Variants in PLCG2 observed in about 807,000 individuals in gnomAD.
PLCG2 encodes phospholipase C gamma 2, also known as 1-phosphatidylinositol 4,5-bisphosphate phosphodiesterase gamma-2.
PLCG2 carries 69 observed loss-of-function variants against 175.6 expected under a neutral mutation model. The ratio of observed to expected loss-of-function variants is 0.39; its 90% confidence interval spans 0.32 to 0.48. The LOEUF (loss-of-function observed/expected upper bound fraction) is 0.48, where lower values mean the gene tolerates loss of function less well. PLCG2 is among the 20% of genes least tolerant of loss of function. The pLI is 0.91. For synonymous variants in PLCG2, 827 were observed against 624.0 expected (o/e 1.33, Z -4.85); for missense variants, 1,798 against 1,650.9 (o/e 1.09, Z -1.54).
At chr16:81,925,218 C>G (rs536229419) in intron 22 of PLCG2, among the ~76,000 whole-genome samples, 2 of 152,322 alleles carry the variant, frequency 1.3e-5, no homozygotes, top group South Asian at 2.1e-4. Context: ...CGGCTGTGGT[C>G]AATTCCTCTC....
At chr16:81,877,056 A>G (rs1303291644) in intron 7 of PLCG2, among the ~76,000 whole-genome samples, 1 of 152,184 alleles carries the variant, frequency 6.6e-6, no homozygotes, top group Non-Finnish European at 1.5e-5. Context: ...ACCTGATGGG[A>G]TCAGCAGGAG....
intron 21 of PLCG2, among the ~76,000 whole-genome samples, chr16:81,923,211 C>T (rs1455763541): frequency 1.3e-5 from 2 of 149,720 alleles, no homozygotes; most frequent in African/African-American, 4.9e-5. Flanking sequence ...CAGCGCTAAA[C>T]CCTAGCCCCA....
intron 2 of PLCG2, among the ~76,000 whole-genome samples, chr16:81,853,073 G>A (rs1443070824): frequency 2.0e-5 from 3 of 152,206 alleles, no homozygotes; most frequent in Admixed American, 1.3e-4. Context: ...GCTCACGCCT[G>A]TAATCCTAGC....
intron 9 of PLCG2, among the ~76,000 whole-genome samples, chr16:81,887,566 G>A (rs1908432440): frequency 6.6e-6 from 1 of 152,210 alleles, no homozygotes; most frequent in African/African-American, 2.4e-5. Flanking sequence ...AGAGTCAACA[G>A]CAGTTCATTT....
At chr16:81,944,410 C>A (rs1171501215) in intron 30 of PLCG2, among the ~76,000 whole-genome samples, 1 of 152,068 alleles carries the variant, frequency 6.6e-6, no homozygotes, top group Non-Finnish European at 1.5e-5. Flanking sequence ...TTAAAGTAAT[C>A]TAATTTAAAG....
rs758880421 is a variant in PLCG2, at chr16:81,905,386, A to G, written c.1363-17A>G. 3.0e-5 allele frequency: 48 copies of G among 1,586,400 alleles called. No homozygotes were observed. The highest frequency in any genetic ancestry group is 4.0e-5 in the Non-Finnish European group (46 of 1,155,232). ...GGGTCTCCATGGAGACAGCCTATGT[A>G]TATGTTTTCCCCTCAGCATAAGAAG... On this transcript the variant is annotated splice_polypyrimidine_tract_variant and intron_variant, in intron 14 of 32. Coordinates refer to ENST00000564138, the MANE Select transcript of PLCG2 (RefSeq NM_002661.5).
At chr16:81,952,701 T>G (rs949929736) in intron 31 of PLCG2, among the ~76,000 whole-genome samples, 1 of 152,056 alleles carries the variant, frequency 6.6e-6, no homozygotes, top group Middle Eastern at 3.4e-3. Flanking sequence ...AGAGAAGAGA[T>G]AGCTCTTCCT....
At chr16:81,742,466 G>T (rs1197424072) in intron 1 of PLCG2, among the ~76,000 whole-genome samples, 1 of 152,138 alleles carries the variant, frequency 6.6e-6, no homozygotes, top group Non-Finnish European at 1.5e-5. Context: ...TATCTCCCTG[G>T]AGCCCCAGCC....
chr16:81,745,161 G>T (rs2143052239), intron 1 of PLCG2, among the ~76,000 whole-genome samples: 1 of 152,330 alleles, frequency 6.6e-6, no homozygotes, highest in East Asian at 1.9e-4. Flanking sequence ...AGAAAAGGTT[G>T]TGTTGGGTAA....
At chr16:81,763,436 T>C (rs1400151577) in intron 2 of PLCG2, among the ~76,000 whole-genome samples, 1 of 152,224 alleles carries the variant, frequency 6.6e-6, no homozygotes, top group East Asian at 1.9e-4. Context: ...GGATGCCAAC[T>C]TGGGCTGGGG....
At chr16:81,881,950 C>T (rs1197370559) in intron 8 of PLCG2, among the ~76,000 whole-genome samples, 1 of 152,104 alleles carries the variant, frequency 6.6e-6, no homozygotes, top group Non-Finnish European at 1.5e-5. Flanking sequence ...CTGTGCCCAG[C>T]CATAATTTCT....
At chr16:81,843,843 C>T (rs1905963255) in intron 2 of PLCG2, among the ~76,000 whole-genome samples, 1 of 152,226 alleles carries the variant, frequency 6.6e-6, no homozygotes, top group Non-Finnish European at 1.5e-5. Flanking sequence ...GGGCAGGATG[C>T]CGGGTTTGAT....
Position 81,934,498 on chromosome 16 carries a change from T to G in PLCG2, c.2809T>G (p.Cys937Gly). 6.2e-7 allele frequency: 1 copy of G among 1,612,920 alleles called. No homozygotes were observed. The highest frequency in any genetic ancestry group is 8.5e-7 in the Non-Finnish European group (1 of 1,179,058). ...CGAGCTCTCTGACCTGGTTGTCTAC[T>G]GCAAACCAACCAGCAAAACCAAGGA... ...AIELSDLVVY[C>G]KPTSKTKDNL... The change falls in exon 26 of 33, where the codon TGC becomes GGC. Residue 937 changes from cysteine (C) to glycine (G), a missense_variant. By Grantham distance (159) the Cys-to-Gly change is radical. Coordinates refer to ENST00000564138, the MANE Select transcript of PLCG2 (RefSeq NM_002661.5).
At chr16:81,754,029 A>AC (rs1165623545) in intron 1 of PLCG2, among the ~76,000 whole-genome samples, 1 of 151,840 alleles carries the variant, frequency 6.6e-6, no homozygotes, top group East Asian at 1.9e-4. Context: ...TCACAGGCCC[A>AC]CCCCCGGGGA....
intron 8 of PLCG2, among the ~76,000 whole-genome samples, 195 bp downstream of exon 8, chr16:81,881,148 A>G (rs1047692732): frequency 2.6e-5 from 4 of 152,192 alleles, no homozygotes; most frequent in African/African-American, 9.6e-5. Flanking sequence ...GAAGGTGTGG[A>G]GCACTGGGAG....
chr16:81,751,687 C>T (rs1326760089), intron 1 of PLCG2, among the ~76,000 whole-genome samples: 2 of 152,030 alleles, frequency 1.3e-5, no homozygotes, highest in African/African-American at 2.4e-5. Context: ...AATTATTCCA[C>T]GTTGTATTCA....
Position 81,957,937 on chromosome 16 carries a change from G to T in PLCG2, c.3756-19G>T. 1 of 1,612,438 alleles carries T rather than the reference G, an allele frequency of 6.2e-7. No homozygotes were observed. Among genetic ancestry groups the T allele is most frequent in the South Asian group, 1.1e-5 (1 of 91,038 alleles). ...TTTCTCATGGCCCACTGCTGATGGT[G>T]AAATCTGTTTTATTTCAGGTTAAGA... On this transcript the variant is annotated intron_variant, in intron 32 of 32. Transcript: ENST00000564138.
chr16:81,783,766 C>G (rs1028046684), intron 1 of PLCG2, among the ~76,000 whole-genome samples: 1 of 152,166 alleles, frequency 6.6e-6, no homozygotes, highest in Non-Finnish European at 1.5e-5. Flanking sequence ...TTTGTCCTGG[C>G]TAATGATCAG....
intron 23 of PLCG2, 93 bp from the exon 24 acceptor site, chr16:81,928,465 C>A: frequency 3.8e-6 from 3 of 798,798 alleles, no homozygotes; most frequent in Admixed American, 1.7e-5. Flanking sequence ...GTTCCACAGG[C>A]AGTATCTCTG....
Sources: allele counts gnomAD v4.1 joint callset (sites outside exome capture counted in the v4.1 genomes callset), GRCh38; gene constraint gnomAD v4.1.1; transcripts MANE v1.5; gene names NCBI Gene and HGNC (gene_info 2026-07-23, HGNC 2026-07-21).